Variants in CTNNB1 observed in about 807,000 individuals in gnomAD.
The protein encoded by CTNNB1 is catenin beta-1.
In CTNNB1, 6 loss-of-function variants were observed where a neutral mutation model predicts 82.5. That is an observed-to-expected ratio of 0.07 (90% CI 0.04 to 0.14). The LOEUF is 0.14. Among genes scored for constraint, CTNNB1 ranks in the 10% least tolerant of loss-of-function variants. The pLI is 1.00. For synonymous variants in CTNNB1, 312 were observed against 329.7 expected, an observed-to-expected ratio of 0.95 and a Z score of 0.58; for missense variants, 529 against 980.4, an observed-to-expected ratio of 0.54 and a Z score of 6.15.
intron 1 of CTNNB1, among the ~76,000 whole-genome samples, chr3:41,217,184 C>T (rs2077933655): frequency 6.6e-6 from 1 of 152,164 alleles, no homozygotes; most frequent in South Asian, 2.1e-4. Flanking sequence ...TCTTTCTCTG[C>T]CTGGAGTGTT....
intron 9 of CTNNB1, 121 bp downstream of exon 9, chr3:41,233,988 G>T (rs547687168): frequency 7.7e-6 from 11 of 1,422,272 alleles, no homozygotes; most frequent in Middle Eastern, 1.7e-4. Context: ...TAGTAAGTAG[G>T]AAGTATGGCT....
intron 1 of CTNNB1, among the ~76,000 whole-genome samples, chr3:41,207,134 G>A (rs1217489718): frequency 6.6e-6 from 1 of 152,114 alleles, no homozygotes; most frequent in Non-Finnish European, 1.5e-5. Context: ...CTGATTCAGA[G>A]TGTCAGCATT....
chr3:41,201,895 G>A (rs1201413006), intron 1 of CTNNB1, among the ~76,000 whole-genome samples: 1 of 151,964 alleles, frequency 6.6e-6, no homozygotes, highest in Non-Finnish European at 1.5e-5. Flanking sequence ...ATAAAAATTG[G>A]CATAAATGAG....
At chr3:41,205,838 A>G (rs554098281) in intron 1 of CTNNB1, among the ~76,000 whole-genome samples, 1 of 152,334 alleles carries the variant, frequency 6.6e-6, no homozygotes, top group South Asian at 2.1e-4. Flanking sequence ...ATACAAGCAG[A>G]TCAGTGAACC....
chr3:41,222,855 A>G (rs1236904109), intron 1 of CTNNB1, among the ~76,000 whole-genome samples: 2 of 152,234 alleles, frequency 1.3e-5, no homozygotes, highest in African/African-American at 4.8e-5. Context: ...TTGCAGAAAT[A>G]CATTGGAGGC....
At chr3:41,210,236 G>A (rs1364617948) in intron 1 of CTNNB1, among the ~76,000 whole-genome samples, 1 of 151,964 alleles carries the variant, frequency 6.6e-6, no homozygotes, top group Non-Finnish European at 1.5e-5. Flanking sequence ...GGCGGATCAC[G>A]AGGTCAGGAG....
At chr3:41,231,894 G>A (rs921129735) in intron 7 of CTNNB1, among the ~76,000 whole-genome samples, 2 of 152,202 alleles carry the variant, frequency 1.3e-5, no homozygotes, top group Admixed American at 1.3e-4. Context: ...ACGGTTTGTG[G>A]AGGGGACAAC....
intron 9 of CTNNB1, 35 bp from the exon 10 acceptor site, chr3:41,234,104 T>A: frequency 1.2e-6 from 2 of 1,612,980 alleles, no homozygotes; most frequent in Non-Finnish European, 1.7e-6. Flanking sequence ...ATGATTTTGT[T>A]GAGTTGTATG....
Position 41,225,303 on chromosome 3 carries a change from C to CT in CTNNB1, c.496-30dup. On this transcript the variant is annotated intron_variant, in intron 4 of 14. Coordinates refer to ENST00000349496, the MANE Select transcript of CTNNB1 (RefSeq NM_001904.4). The surrounding 1 kb of genome is among the most constrained non-coding windows in gnomAD (Gnocchi z 5.3). Reference sequence around the variant, plus strand: ...TCTACCCAATACCAGTACTTGAAAACTAACGATGTTTCTGAATTCCTGTAT... The same window carrying CT: ...TCTACCCAATACCAGTACTTGAAAACTTAACGATGTTTCTGAATTCCTGTAT... 1 of 1,613,818 alleles carries CT rather than the reference C, an allele frequency of 6.2e-7. No individual in the cohort carries two copies.
At chr3:41,235,567 G>T in intron 10 of CTNNB1, 157 bp from the exon 11 acceptor site, 1 of 949,362 alleles carries the variant, frequency 1.1e-6, no homozygotes, top group South Asian at 1.4e-5. Context: ...CCTCTTTTCA[G>T]TGACATTCAA....
Position 41,225,977 on chromosome 3 carries a change from A to G in CTNNB1, c.936+116A>G, listed in dbSNP as rs1324785881. 1 of 914,550 alleles carries G rather than the reference A, an allele frequency of 1.1e-6. No homozygotes were observed. Among genetic ancestry groups the G allele is most frequent in the Non-Finnish European group, 1.7e-6 (1 of 574,770 alleles). The allele number at this position is 914,550 out of a possible 1,614,324, so 56.7% of individuals were successfully genotyped here. On this transcript the variant is annotated intron_variant, in intron 6 of 14. Coordinates refer to ENST00000349496, the MANE Select transcript of CTNNB1 (RefSeq NM_001904.4). The surrounding 1 kb of genome is among the most constrained non-coding windows in gnomAD (Gnocchi z 5.3). ...ACCAGGGACCAGTTTCGTGGAAAAC[A>G]GTTTTTCCATGAATGGGTTGTGGGA... is the stretch of plus-strand genomic sequence containing the variant.
In CTNNB1 at chr3:41,225,095, C is replaced by T. The variant is rs2125620551; in HGVS notation, c.383C>T (p.Pro128Leu). The change falls in exon 4 of 15, where the codon CCA (proline) becomes CTA (leucine). Residue 128 changes from proline (P) to leucine (L), a missense_variant. Transcript: ENST00000349496. This position sits in a 1 kb window ranked among gnomAD's most constrained non-coding sequence, Gnocchi z 5.3. ...ACTAATGTCCAGCGTTTGGCTGAACCATCACAGATGCTGAAACATGCAGTT... is the reference window on the plus strand; with the variant it reads ...ACTAATGTCCAGCGTTTGGCTGAACTATCACAGATGCTGAAACATGCAGTT... The part of the protein sequence containing the change: ...HPTNVQRLAE[P>L]SQMLKHAVVN... 6.2e-7 allele frequency: 1 copy of T among 1,614,068 alleles called. No homozygotes were observed. Among genetic ancestry groups the T allele is most frequent in the Non-Finnish European group, 8.5e-7 (1 of 1,179,980 alleles).
intron 7 of CTNNB1, among the ~76,000 whole-genome samples, chr3:41,229,206 A>G (rs1054389143): frequency 6.6e-6 from 1 of 152,010 alleles, no homozygotes; most frequent in Non-Finnish European, 1.5e-5. Context: ...TTGGGTTCAT[A>G]TGAATTTTTA....
At chr3:41,217,752 AAATGGGTTT>A in intron 1 of CTNNB1, among the ~76,000 whole-genome samples, 1 of 152,336 alleles carries the variant, frequency 6.6e-6, no homozygotes, top group Admixed American at 6.5e-5. Context: ...AGCAAAAAGT[AAATGGGTTT>A]AAACATCCTT....
chr3:41,217,922 A>G (rs976235876), intron 1 of CTNNB1, among the ~76,000 whole-genome samples: 6 of 152,046 alleles, frequency 3.9e-5, no homozygotes, highest in Non-Finnish European at 8.8e-5. Context: ...ATGTTCTAGT[A>G]TGTTATTTTT....
intron 1 of CTNNB1, among the ~76,000 whole-genome samples, chr3:41,205,738 TAAATCATAGG>T (rs1192883886): frequency 1.3e-5 from 2 of 152,216 alleles, no homozygotes; most frequent in Non-Finnish European, 2.9e-5. Context: ...AGTGAAAATG[TAAATCATAGG>T]CCGGTGTTGG....
chr3:41,235,575 C>A, intron 10 of CTNNB1, 149 bp from the exon 11 acceptor site: 1 of 1,029,788 alleles, frequency 9.7e-7, no homozygotes, highest in Non-Finnish European at 1.5e-6. Context: ...CAGTGACATT[C>A]AAGTTAATGG....
rs2078032740 is a variant in CTNNB1 at position 41,220,908 on chromosome 3, C to A, written c.-48-3113C>A. The A allele has an allele frequency of 2.0e-5, 3 of 152,190 alleles. No individual in the cohort carries two copies. The South Asian group carries it at 6.2e-4, about 32-fold the overall frequency. The allele number at this position is 152,190 out of a possible 1,614,324, so 9.4% of individuals were successfully genotyped here. ...AGGAAAAATAACTTCAGTGTGAAATCTATTATATATTAGTTGTGGCAAGAT... is the reference window on the plus strand; with the variant it reads ...AGGAAAAATAACTTCAGTGTGAAATATATTATATATTAGTTGTGGCAAGAT... On this transcript the variant is annotated intron_variant, in intron 1 of 14. Transcript: ENST00000349496.
rs1013571253 is a variant in CTNNB1 at position 41,206,576 on chromosome 3, A to G, written c.-49+6906A>G. 2.6e-5 allele frequency among the ~76,000 whole-genome samples: 4 copies of G among 152,088 alleles called. No homozygotes were observed. The South Asian group carries it at 6.2e-4, about 24-fold the overall frequency. On this transcript the variant is annotated intron_variant, in intron 1 of 14. Coordinates refer to ENST00000349496, the MANE Select transcript of CTNNB1 (RefSeq NM_001904.4). ...GGATAGTTGTTGCAAACTGCTCCTA[A>G]TTTTCCTTTACTGTGAAGTAAACTG...
Sources: gnomAD v4.1 joint callset for allele counts (sites outside exome capture counted in the v4.1 genomes callset) on GRCh38, gnomAD v4.1.1 for gene constraint, Gnocchi (gnomAD v3.1) non-coding constraint, MANE v1.5 for transcripts, NCBI Gene and HGNC (gene_info 2026-07-23, HGNC 2026-07-21) for gene names.